Variants in MBNL3 observed in about 807,000 individuals in gnomAD.
MBNL3 encodes muscleblind like splicing regulator 3, also known as muscleblind-like protein 3.
MBNL3 carries 6 observed loss-of-function variants against 24.5 expected under a neutral mutation model. The observed-to-expected ratio is 0.25, with a 90% CI of 0.13 to 0.48. The LOEUF (loss-of-function observed/expected upper bound fraction) is 0.48. Among genes scored for constraint, MBNL3 ranks in the 20% least tolerant of loss-of-function variants. MBNL3 has a pLI of 0.99. For synonymous variants in MBNL3, 100 were observed against 101.7 expected, an observed-to-expected ratio of 0.98 and a Z score of 0.10; for missense variants, 230 against 293.5, an observed-to-expected ratio of 0.78 and a Z score of 1.58.
At chrX:132,456,695 C>T (rs754361765) in intron 1 of MBNL3, among the ~76,000 whole-genome samples, 2 of 111,563 alleles carry the variant, frequency 1.8e-5, no homozygotes, top group African/African-American at 6.5e-5. Flanking sequence ...ATTTAAATTT[C>T]TCAGAAATCA....
chrX:132,479,211 T>C (rs1037534408), intron 1 of MBNL3, among the ~76,000 whole-genome samples: 2 of 111,954 alleles, frequency 1.8e-5, no homozygotes, highest in African/African-American at 6.5e-5. Context: ...ATTGTACCAC[T>C]GCACTCTAGC....
Position 132,439,780 on chromosome X carries a change from T to C in MBNL3, c.-169A>G. ...TTCATTAAAGTCAAATCTGGTCTAG[T>C]CAAACAAAAAGCCAATCATAAAAAC... On this transcript the variant is annotated 5_prime_UTR_variant, in exon 2 of 9. Transcript: ENST00000370853. 1 of 749,169 alleles carries C rather than the reference T, an allele frequency of 1.3e-6. No individual in the cohort carries two copies. The highest frequency in any genetic ancestry group is 7.2e-5 in the South Asian group (1 of 13,868). 61.7% of individuals were successfully genotyped at this position (749,169 alleles called of 1,213,427 possible). A position where few individuals can be genotyped will look rare whatever the true frequency, so the allele number is the denominator to read the frequency against.
intron 2 of MBNL3, among the ~76,000 whole-genome samples, chrX:132,414,582 C>A (rs751470378): frequency 9.0e-6 from 1 of 111,584 alleles, no homozygotes; most frequent in South Asian, 3.8e-4. Context: ...GATAAAGGCT[C>A]TCACATGTCC....
At chrX:132,445,587 T>C (rs1945664625) in intron 1 of MBNL3, among the ~76,000 whole-genome samples, 1 of 111,415 alleles carries the variant, frequency 9.0e-6, no homozygotes, top group Non-Finnish European at 1.9e-5. Flanking sequence ...GTAAGTCAAC[T>C]TATTCTATTT....
rs1334283678 is a variant in MBNL3, at chrX:132,439,745, C to T, written c.-134G>A. Reference sequence around the variant, plus strand: ...CTTTGGTGAAATGTCTATTTGTTAACACTTAGGTTTTCATTAAAGTCAAAT... The same window carrying T: ...CTTTGGTGAAATGTCTATTTGTTAATACTTAGGTTTTCATTAAAGTCAAAT... On this transcript the variant is annotated 5_prime_UTR_variant, in exon 2 of 9. Transcript: ENST00000370853. The T allele has an allele frequency of 7.4e-6, 7 of 944,328 alleles. No homozygotes were observed. In the South Asian group the frequency reaches 2.8e-4, roughly 38 times the overall value. The allele number at this position is 944,328 out of a possible 1,213,427, so 77.8% of individuals were successfully genotyped here.
At chrX:132,489,850 C>G (rs758318610), upstream of MBNL3, 23 of 111,135 alleles carry the variant, frequency 2.1e-4, 1 homozygote, top group African/African-American at 7.1e-4. Context: ...GGCGGGAATG[C>G]GGCCAAGGGC....
At chrX:132,447,082 G>T (rs1185642585) in intron 1 of MBNL3, among the ~76,000 whole-genome samples, 1 of 111,229 alleles carries the variant, frequency 9.0e-6, no homozygotes, top group Non-Finnish European at 1.9e-5. Flanking sequence ...TATTTCTGAG[G>T]CCTCTGTTCT....
intron 5 of MBNL3, among the ~76,000 whole-genome samples, chrX:132,390,286 A>AAACC (rs1936963718): frequency 9.5e-6 from 1 of 105,463 alleles, no homozygotes; most frequent in African/African-American, 3.4e-5. Flanking sequence ...AAAAAAAAAA[A>AAACC]AAAAACCAAA....
chrX:132,428,551 C>T (rs952751322), intron 2 of MBNL3, among the ~76,000 whole-genome samples: 2 of 108,583 alleles, frequency 1.8e-5, no homozygotes, highest in African/African-American at 3.3e-5. Context: ...AACTGAAGAC[C>T]GATTATGTAG....
intron 3 of MBNL3, among the ~76,000 whole-genome samples, chrX:132,394,622 G>C (rs1202074377): frequency 8.9e-6 from 1 of 112,044 alleles, no homozygotes; most frequent in East Asian, 2.8e-4. Flanking sequence ...TTTTTGAACT[G>C]AAAGAAAGAC....
intron 3 of MBNL3, among the ~76,000 whole-genome samples, chrX:132,405,076 G>GA (rs760008411): frequency 0.025 from 2,808 of 111,844 alleles, 70 homozygotes; most frequent in African/African-American, 0.086. Flanking sequence ...AAGGCATAGG[G>GA]CAAGATGAAT....
intron 2 of MBNL3, chrX:132,411,188 A>G: frequency 1.5e-5 from 11 of 753,866 alleles, no homozygotes; most frequent in East Asian, 1.5e-4. Context: ...CACTGTACCC[A>G]CCTTCTTCAT....
rs60044820 is a variant in MBNL3, at chrX:132,408,092, C to CTTTTTTTTTTTTTTTTTTTT, written c.178-1720_178-1701dup. On this transcript the variant is annotated intron_variant, in intron 2 of 8. Transcript: ENST00000370853. ...CCTGACCTCTCTTCTGAATTTCAGT[C>CTTTTTTTTTTTTTTTTTTTT]TTTTTTTTTTTTTTTTTTTTTTTTT... Among the ~76,000 whole-genome samples the CTTTTTTTTTTTTTTTTTTTT allele has an allele frequency of 8.9e-5, 2 of 22,572 alleles. 1 individual carries two copies. Among genetic ancestry groups the CTTTTTTTTTTTTTTTTTTTT allele is most frequent in the Non-Finnish European group, 1.6e-4 (2 of 12,635 alleles). 19.6% of individuals were successfully genotyped at this position (22,572 alleles called of 115,157 possible). A position where few individuals can be genotyped will look rare whatever the true frequency, so the allele number is the denominator to read the frequency against.
rs187469811 is a variant in MBNL3, at chrX:132,435,553, A to G, written c.177+3882T>C. 1.7e-3 allele frequency among the ~76,000 whole-genome samples: 188 copies of G among 112,103 alleles called. 1 individual carries two copies. The highest frequency in any genetic ancestry group is 0.016 in the Admixed American group (164 of 10,578). On this transcript the variant is annotated intron_variant, in intron 2 of 8. Coordinates refer to ENST00000370853, the MANE Select transcript of MBNL3 (RefSeq NM_001386889.1). ...GAAAACTGCTGTGACTAGTGTTGCT[A>G]TTGCAGAATATACTGGTAACTTGGG...
At chrX:132,445,520 A>AT (rs1426818418) in intron 1 of MBNL3, among the ~76,000 whole-genome samples, 1 of 111,117 alleles carries the variant, frequency 9.0e-6, no homozygotes, top group Admixed American at 9.6e-5. Context: ...GCTTTGCTGC[A>AT]TTTTTTCATA....
intron 1 of MBNL3, among the ~76,000 whole-genome samples, chrX:132,447,878 G>T (rs1289691909): frequency 8.9e-6 from 1 of 111,938 alleles, no homozygotes; most frequent in African/African-American, 3.3e-5. Context: ...TATGATATTG[G>T]CTGTGGGTTT....
At chrX:132,427,517 A>C (rs1319822117) in intron 2 of MBNL3, among the ~76,000 whole-genome samples, 2 of 112,127 alleles carry the variant, frequency 1.8e-5, no homozygotes, top group Non-Finnish European at 3.8e-5. Context: ...CACAGAGTAC[A>C]TGAAGCTATT....
intron 1 of MBNL3, among the ~76,000 whole-genome samples, chrX:132,456,566 A>G (rs1478927929): frequency 8.9e-6 from 1 of 112,166 alleles, no homozygotes; most frequent in East Asian, 2.8e-4. Context: ...CATCCCCAAT[A>G]TCCTATGAGG....
At chrX:132,437,320 A>C (rs1385122863) in intron 2 of MBNL3, among the ~76,000 whole-genome samples, 1 of 111,861 alleles carries the variant, frequency 8.9e-6, no homozygotes, top group African/African-American at 3.2e-5. Flanking sequence ...CACAGCAACT[A>C]GATTTGGTCA....
Sources: gnomAD v4.1 joint callset for allele counts (sites outside exome capture counted in the v4.1 genomes callset) on GRCh38, gnomAD v4.1.1 for gene constraint, MANE v1.5 for transcripts, NCBI Gene and HGNC (gene_info 2026-07-23, HGNC 2026-07-21) for gene names.